Variants in ACAD10 observed in about 807,000 individuals in gnomAD.
ACAD10 encodes the protein acyl-CoA dehydrogenase family member 10.
In ACAD10, 112 loss-of-function variants were observed where a neutral mutation model predicts 116.8. The observed-to-expected ratio is 0.96, with a 90% CI of 0.82 to 1.12. The LOEUF is 1.12. Among genes scored for constraint, ACAD10 ranks in the 50% most tolerant of loss-of-function variants. ACAD10 has a pLI of 0.00. For missense variants in ACAD10, 1,259 were observed against 1,350.2 expected, an observed-to-expected ratio of 0.93 and a Z score of 1.06; for synonymous variants, 486 against 510.6, an observed-to-expected ratio of 0.95 and a Z score of 0.65.
At chr12:111,714,814 G>C (rs1465350765) in intron 6 of ACAD10, among the ~76,000 whole-genome samples, 1 of 152,076 alleles carries the variant, frequency 6.6e-6, no homozygotes, top group East Asian at 1.9e-4. Flanking sequence ...TTGGGTTCTA[G>C]TGATTCTCCT....
rs375235910 is a variant in ACAD10, at chr12:111,747,074, C to A, written c.2282C>A (p.Thr761Lys). The change falls in exon 15 of 21, where the codon ACG (threonine) becomes AAG (lysine). Residue 761 changes from threonine (T) to lysine (K), a missense_variant. By Grantham distance (78) the Thr-to-Lys change is moderately conservative. Transcript: ENST00000313698. ...PEVCNCSAPD[T>K]GNMELLVRYG... Reference sequence around the variant, plus strand: ...GTATGTAACTGCTCTGCGCCTGACACGGGCAACATGGAGCTGCTGGTGAGG... The same window carrying A: ...GTATGTAACTGCTCTGCGCCTGACAAGGGCAACATGGAGCTGCTGGTGAGG... 1.2e-6 allele frequency: 2 copies of A among 1,609,856 alleles called. No individual in the cohort carries two copies. The highest frequency in any genetic ancestry group is 8.5e-7 in the Non-Finnish European group (1 of 1,177,320).
At chr12:111,735,746 C>T (rs777079100) in intron 11 of ACAD10, among the ~76,000 whole-genome samples, 91 of 152,134 alleles carry the variant, frequency 6.0e-4, no homozygotes, top group Non-Finnish European at 6.3e-4. Context: ...TGAGCCACTG[C>T]GCCTGGCCCG....
rs1889986542 is a variant in ACAD10, at chr12:111,748,721, C to T, written c.2644+246C>T. 8.6e-6 allele frequency: 5 copies of T among 583,526 alleles called. No individual in the cohort carries two copies. In the South Asian group the frequency reaches 1.0e-4, roughly 12 times the overall value. 36.1% of individuals were successfully genotyped at this position (583,526 alleles called of 1,614,324 possible). A position where few individuals can be genotyped will look rare whatever the true frequency, so the allele number is the denominator to read the frequency against. On this transcript the variant is annotated intron_variant, in intron 17 of 20. Transcript: ENST00000313698. ...TTAGAAAGTAATCAGGAGTCTGTGACACAGGAAGCCATACAGGGCAGACGC... is the reference window on the plus strand; with the variant it reads ...TTAGAAAGTAATCAGGAGTCTGTGATACAGGAAGCCATACAGGGCAGACGC...
At chr12:111,751,741 A>T (rs1368745953) in intron 18 of ACAD10, among the ~76,000 whole-genome samples, 1 of 151,664 alleles carries the variant, frequency 6.6e-6, no homozygotes. Flanking sequence ...AAAAAAAAAA[A>T]TTAAAATTAA....
At chr12:111,745,600 C>T (rs147402097) in intron 13 of ACAD10, 2,598 of 156,244 alleles carry the variant, frequency 0.017, 93 homozygotes, top group Admixed American at 0.091. Flanking sequence ...TTTTTTGAGA[C>T]GGAGTCTTGC....
chr12:111,747,102 T>C lies in ACAD10; in HGVS notation c.2310T>C (p.Tyr770=), dbSNP rs1889928557. 2 of 1,613,254 alleles carry C rather than the reference T, an allele frequency of 1.2e-6. No homozygotes were observed. Among genetic ancestry groups the C allele is most frequent in the Admixed American group, 1.7e-5 (1 of 59,934 alleles). Residue 770 remains tyrosine, a synonymous_variant, in exon 15 of 21, where the codon TAT becomes TAC. Coordinates refer to ENST00000313698, the MANE Select transcript of ACAD10 (RefSeq NM_025247.6). ...DTGNMELLVR[Y]GTEAQKARWL... ...GCAACATGGAGCTGCTGGTGAGGTA[T>C]GGCACCGAAGCGCAGAAGGCTCGCT... is the stretch of plus-strand genomic sequence containing the variant.
At chr12:111,747,481 A>G in intron 16 of ACAD10, 96 bp downstream of exon 16, 21 of 1,579,770 alleles carry the variant, frequency 1.3e-5, no homozygotes, top group Non-Finnish European at 1.8e-5. Flanking sequence ...TGCTTTTTCA[A>G]GTTGACACAA....
At chr12:111,755,788 C>T (rs1020000319) in intron 20 of ACAD10, 43 bp downstream of exon 20, 51 of 1,580,258 alleles carry the variant, frequency 3.2e-5, no homozygotes, top group Non-Finnish European at 4.3e-5. Context: ...ACCATCAATA[C>T]TAGATGCCAA....
chr12:111,705,826 T>C lies in ACAD10; in HGVS notation c.425T>C (p.Ile142Thr). Residue 142 changes from isoleucine to threonine, a missense_variant, in exon 4 of 21, where the codon ATA becomes ACA. By Grantham distance (89) the Ile-to-Thr change is moderately conservative (BLOSUM62 -1). Transcript: ENST00000313698. ...AKQFPVMTEA[I>T]TQIRAKGLQT... ...CAGTTCCCAGTGATGACTGAGGCCA[T>C]AACTCAAATTCGGGCAAAAGGTCTT... 1.2e-6 allele frequency: 2 copies of C among 1,614,192 alleles called. No individual in the cohort carries two copies. The highest frequency in any genetic ancestry group is 1.7e-6 in the Non-Finnish European group (2 of 1,180,026).
At chr12:111,714,838 G>A (rs763128862) in intron 6 of ACAD10, among the ~76,000 whole-genome samples, 2 of 151,664 alleles carry the variant, frequency 1.3e-5, no homozygotes, top group Non-Finnish European at 2.9e-5. Context: ...TCAGCCTCCC[G>A]AGTAGCTGGG....
At chr12:111,715,259 GA>G (rs1888808556) in intron 6 of ACAD10, among the ~76,000 whole-genome samples, 1 of 152,230 alleles carries the variant, frequency 6.6e-6, no homozygotes, top group African/African-American at 2.4e-5. Context: ...AGCTGAGAAT[GA>G]ATTAGTTTCA....
At chr12:111,704,448 C>T (rs1266033530) in intron 3 of ACAD10, among the ~76,000 whole-genome samples, 1 of 151,176 alleles carries the variant, frequency 6.6e-6, no homozygotes, top group Non-Finnish European at 1.5e-5. Context: ...CTGGTTTGCT[C>T]TTTAGAGTAA....
intron 1 of ACAD10, among the ~76,000 whole-genome samples, chr12:111,690,862 T>C (rs1367033607): frequency 6.6e-6 from 1 of 151,858 alleles, no homozygotes; most frequent in African/African-American, 2.4e-5. Context: ...TCAAAGTATA[T>C]AGTTTTGGAG....
At chr12:111,714,731 A>G (rs891021787) in intron 6 of ACAD10, among the ~76,000 whole-genome samples, 13 of 150,480 alleles carry the variant, frequency 8.6e-5, no homozygotes, top group African/African-American at 2.9e-4. Flanking sequence ...ATTTTTTTTG[A>G]GATGGAGTTT....
intron 12 of ACAD10, among the ~76,000 whole-genome samples, chr12:111,737,946 C>T (rs1294907739): frequency 6.6e-6 from 1 of 151,860 alleles, no homozygotes; most frequent in Non-Finnish European, 1.5e-5. Context: ...TCCACCTCAC[C>T]AGCTCAAGCA....
intron 9 of ACAD10, among the ~76,000 whole-genome samples, chr12:111,728,959 G>T (rs575614957): frequency 6.6e-6 from 1 of 152,292 alleles, no homozygotes; most frequent in East Asian, 1.9e-4. Flanking sequence ...GGGATTACAG[G>T]CATGAGCCTC....
At chr12:111,752,956 C>T (rs1044115185) in intron 18 of ACAD10, 2 of 155,696 alleles carry the variant, frequency 1.3e-5, no homozygotes, top group African/African-American at 4.8e-5. Context: ...CCAGTCTGGG[C>T]AATGTAGTGA....
chr12:111,692,555 C>G (rs549144701), intron 1 of ACAD10, 142 bp from the exon 2 acceptor site: 15 of 776,242 alleles, frequency 1.9e-5, no homozygotes, highest in Admixed American at 3.0e-5. Context: ...GGAGGAGACA[C>G]TGAGGTCAGT....
At chr12:111,715,988 C>T in intron 7 of ACAD10, 26 bp downstream of exon 7, 1 of 1,613,628 alleles carries the variant, frequency 6.2e-7, no homozygotes, top group Non-Finnish European at 8.5e-7. Flanking sequence ...CAGGGGAGCA[C>T]TTGCCCACTA....
Sources: allele counts gnomAD v4.1 joint callset (sites outside exome capture counted in the v4.1 genomes callset), GRCh38; gene constraint gnomAD v4.1.1; transcripts MANE v1.5; gene names NCBI Gene and HGNC (gene_info 2026-07-23, HGNC 2026-07-21).